MYO5B: variants seen among roughly 807,000 people sequenced by gnomAD.
MYO5B encodes the protein myosin VB.
Under a neutral mutation model 229.3 loss-of-function variants are expected in MYO5B, and 143 were observed. The ratio of observed to expected loss-of-function variants is 0.62; its 90% confidence interval spans 0.54 to 0.72. The LOEUF (loss-of-function observed/expected upper bound fraction) is 0.72, where lower values mean the gene tolerates loss of function less well. MYO5B is among the 30% of genes least tolerant of loss of function. MYO5B has a pLI of 0.00. For synonymous variants in MYO5B, 918 were observed against 885.2 expected (o/e 1.04, Z -0.66); for missense variants, 2,321 against 2,331.0 (o/e 1.00, Z 0.09).
At chr18:50,066,481 C>A (rs151121238) in intron 1 of MYO5B, among the ~76,000 whole-genome samples, 163 of 152,252 alleles carry the variant, frequency 1.1e-3, no homozygotes, top group African/African-American at 3.5e-3. Context: ...CAACTTTTTT[C>A]ATTGCATAAG....
chr18:49,994,283 C>T (rs1319744957), intron 5 of MYO5B, among the ~76,000 whole-genome samples: 1 of 152,150 alleles, frequency 6.6e-6, no homozygotes, highest in Non-Finnish European at 1.5e-5. Context: ...CTCTGTAGCA[C>T]CCAGTACATG....
At chr18:50,010,240 C>T (rs978299654) in intron 4 of MYO5B, among the ~76,000 whole-genome samples, 2 of 152,166 alleles carry the variant, frequency 1.3e-5, no homozygotes, top group South Asian at 4.1e-4. Flanking sequence ...GAGTGCTAAG[C>T]GCTATTTATA....
At chr18:49,892,201 C>T (rs1203216717) in intron 22 of MYO5B, among the ~76,000 whole-genome samples, 1 of 152,232 alleles carries the variant, frequency 6.6e-6, no homozygotes, top group East Asian at 1.9e-4. Context: ...ACACAATGCA[C>T]AGGCTAAAAG....
chr18:50,008,163 T>TG (rs1288150881), intron 4 of MYO5B, among the ~76,000 whole-genome samples: 2 of 152,210 alleles, frequency 1.3e-5, no homozygotes, highest in Non-Finnish European at 2.9e-5. Flanking sequence ...AAATATGTAT[T>TG]GGGGTCATCA....
intron 4 of MYO5B, among the ~76,000 whole-genome samples, chr18:50,035,477 A>G (rs1470703882): frequency 6.6e-6 from 1 of 152,218 alleles, no homozygotes. Context: ...TGATTCTTCC[A>G]AAGCACAGAA....
intron 1 of MYO5B, among the ~76,000 whole-genome samples, chr18:50,129,248 T>G (rs1040817032): frequency 6.6e-5 from 10 of 152,142 alleles, no homozygotes; most frequent in African/African-American, 2.4e-4. Context: ...TATCTCACAT[T>G]TACAATCCCA....
intron 31 of MYO5B, 180 bp from the exon 32 acceptor site, chr18:49,849,840 C>T: frequency 4.5e-6 from 3 of 662,204 alleles, no homozygotes; most frequent in South Asian, 1.6e-5. Context: ...TGCTCTGGAA[C>T]TCAGGAAGTG....
chr18:50,023,838 G>T (rs2026302770), intron 4 of MYO5B, among the ~76,000 whole-genome samples: 1 of 152,116 alleles, frequency 6.6e-6, no homozygotes, highest in Admixed American at 6.5e-5. Flanking sequence ...GAAGTTTCCA[G>T]CCTAGACCGG....
At chr18:49,924,442 G>A (rs576517744) in intron 17 of MYO5B, among the ~76,000 whole-genome samples, 1 of 152,128 alleles carries the variant, frequency 6.6e-6, no homozygotes, top group East Asian at 1.9e-4. Context: ...CAAGAAGTGT[G>A]GGAGTCAATA....
intron 1 of MYO5B, among the ~76,000 whole-genome samples, chr18:50,134,735 C>T (rs183447201): frequency 1.6e-3 from 245 of 152,200 alleles, no homozygotes; most frequent in African/African-American, 5.0e-3. Context: ...CTGAGGGAAA[C>T]GGTGCCCTGG....
intron 26 of MYO5B, 67 bp from the exon 27 acceptor site, chr18:49,872,299 A>C (rs1043367072): frequency 1.3e-6 from 2 of 1,537,612 alleles, no homozygotes; most frequent in Admixed American, 1.7e-5. Flanking sequence ...GGTGTTTCCA[A>C]CTGTGGTCAA....
At chr18:50,190,472 A>T (rs1372864088) in intron 1 of MYO5B, among the ~76,000 whole-genome samples, 1 of 152,234 alleles carries the variant, frequency 6.6e-6, no homozygotes, top group African/African-American at 2.4e-5. Context: ...TCACTTTGAC[A>T]TCACCCTGAA....
intron 2 of MYO5B, among the ~76,000 whole-genome samples, chr18:50,043,283 TTTATATA>T (rs935920525): frequency 6.2e-5 from 5 of 80,494 alleles, no homozygotes; most frequent in African/African-American, 2.1e-4. Flanking sequence ...TATATTTATA[TTTATATA>T]TTATATATAA....
At chr18:49,874,217 G>C (rs1208988475) in intron 26 of MYO5B, among the ~76,000 whole-genome samples, 1 of 152,214 alleles carries the variant, frequency 6.6e-6, no homozygotes, top group Non-Finnish European at 1.5e-5. Context: ...ATTGTTCAGT[G>C]GTTATTTTGG....
rs1462318600 is a variant in MYO5B at position 49,895,067 on chromosome 18, T to G, written c.2919A>C (p.Pro973=). 2 of 1,614,178 alleles carry G rather than the reference T, an allele frequency of 1.2e-6. No homozygotes were observed. Among genetic ancestry groups the G allele is most frequent in the South Asian group, 1.1e-5 (1 of 91,088 alleles). Residue 973 remains proline (P), a synonymous_variant, in exon 22 of 40, where the codon CCA becomes CCC. Coordinates refer to ENST00000285039, the MANE Select transcript of MYO5B (RefSeq NM_001080467.3). ...GCAGCCTGAGGCTGGTGTCCTCACC[T>G]GGGCTCTGCTGGTAGTGCACCAGCT... ...KKELVHYQQS[P]GEDTSLRLQE... is the part of the protein sequence containing the mutation.
rs1019248164 is a variant in MYO5B at position 49,823,737 on chromosome 18, A to G, written c.*2734T>C. 6.6e-6 allele frequency: 1 copy of G among 152,242 alleles called. No individual in the cohort carries two copies. Among genetic ancestry groups the G allele is most frequent in the African/African-American group, 2.4e-5 (1 of 41,456 alleles). 9.4% of individuals were successfully genotyped at this position (152,242 alleles called of 1,614,324 possible). ...AGGTACTGGAACTCTAACTGCAACT[A>G]TGAGGGCACAGGGAAAATGCATGTA... is the stretch of plus-strand genomic sequence containing the variant. On this transcript the variant is annotated 3_prime_UTR_variant, in exon 40 of 40. Coordinates refer to ENST00000285039, the MANE Select transcript of MYO5B (RefSeq NM_001080467.3).
intron 3 of MYO5B, among the ~76,000 whole-genome samples, chr18:50,038,912 A>G (rs942874773): frequency 1.2e-4 from 19 of 152,200 alleles, no homozygotes; most frequent in Admixed American, 1.2e-3. Context: ...TCCCACCAGC[A>G]GTTGGAGTGA....
Position 50,162,146 on chromosome 18 carries a change from G to A in MYO5B, c.27+32621C>T, listed in dbSNP as rs568845021. On this transcript the variant is annotated intron_variant, in intron 1 of 39. Coordinates refer to ENST00000285039, the MANE Select transcript of MYO5B (RefSeq NM_001080467.3). Reference sequence around the variant, plus strand: ...AATTCCCCTGTGCTCCAATCTTAAAGAAAAAGCTATTTCTCAAACTGTTCT... The same window carrying A: ...AATTCCCCTGTGCTCCAATCTTAAAAAAAAAGCTATTTCTCAAACTGTTCT... Among the ~76,000 whole-genome samples, 7 of 152,332 alleles carry A rather than the reference G, an allele frequency of 4.6e-5. No homozygotes were observed. The South Asian group carries it at 1.2e-3, about 27-fold the overall frequency.
chr18:49,955,960 G>A (rs1344963286), intron 12 of MYO5B, among the ~76,000 whole-genome samples: 5 of 152,334 alleles, frequency 3.3e-5, no homozygotes, highest in South Asian at 4.1e-4. Context: ...AGGCAAACAC[G>A]TAAAATTGGC....
Sources: gnomAD v4.1 joint callset for allele counts (sites outside exome capture counted in the v4.1 genomes callset) on GRCh38, gnomAD v4.1.1 for gene constraint, MANE v1.5 for transcripts, NCBI Gene and HGNC (gene_info 2026-07-23, HGNC 2026-07-21) for gene names.